Variants in NREP observed in about 807,000 individuals in gnomAD.
The protein encoded by NREP is neuronal regeneration-related protein.
Under a neutral mutation model 8.6 loss-of-function variants are expected in NREP, and 5 were observed. That is an observed-to-expected ratio of 0.58 (90% CI 0.30 to 1.22). NREP has a LOEUF of 1.22. Ranked by LOEUF, NREP falls within the 50% of genes most tolerant of loss-of-function variation. The probability of loss-of-function intolerance (pLI) is 0.07; values close to 1 mark genes in which losing one functional copy is unlikely to be tolerated. For missense variants in NREP, 86 were observed against 82.5 expected (o/e 1.04, Z -0.17); for synonymous variants, 27 against 28.0 (o/e 0.96, Z 0.11).
intron 2 of NREP, among the ~76,000 whole-genome samples, chr5:111,886,381 A>C (rs77491808): frequency 2.0e-5 from 3 of 151,932 alleles, no homozygotes. Flanking sequence ...GTGGGACTGT[A>C]AACTAGTTCA....
chr5:111,895,918 A>T (rs1235487268), intron 2 of NREP, among the ~76,000 whole-genome samples: 3 of 152,186 alleles, frequency 2.0e-5, no homozygotes. Context: ...GCCAATTGGA[A>T]TGTATGCTGT....
At chr5:111,826,869 T>G (rs1359131547) in intron 2 of NREP, among the ~76,000 whole-genome samples, 1 of 152,052 alleles carries the variant, frequency 6.6e-6, no homozygotes, top group Non-Finnish European at 1.5e-5. Context: ...CCCATTTTAG[T>G]GGAAGAAGGT....
intron 2 of NREP, among the ~76,000 whole-genome samples, chr5:111,762,829 G>A (rs1172318774): frequency 6.6e-6 from 1 of 152,182 alleles, no homozygotes; most frequent in African/African-American, 2.4e-5. Context: ...CAGCAAACAT[G>A]TGGAAGAGTA....
At chr5:111,943,260 A>G (rs1755882678) in intron 2 of NREP, among the ~76,000 whole-genome samples, 1 of 152,026 alleles carries the variant, frequency 6.6e-6, no homozygotes, top group African/African-American at 2.4e-5. Context: ...TATGCTGCCT[A>G]TTGTGAAACA....
At chr5:111,883,680 C>A (rs190207938) in intron 2 of NREP, among the ~76,000 whole-genome samples, 2 of 152,092 alleles carry the variant, frequency 1.3e-5, no homozygotes, top group East Asian at 1.9e-4. Context: ...CACTCAAAAC[C>A]GCTCAACTAC....
intron 2 of NREP, among the ~76,000 whole-genome samples, chr5:111,816,626 C>A (rs1234913188): frequency 6.6e-6 from 1 of 150,412 alleles, no homozygotes; most frequent in Non-Finnish European, 1.5e-5. Flanking sequence ...TACATAATAC[C>A]TAATACTAAG....
intron 2 of NREP, among the ~76,000 whole-genome samples, chr5:111,829,106 A>T (rs1752699856): frequency 6.6e-6 from 1 of 152,160 alleles, no homozygotes; most frequent in Non-Finnish European, 1.5e-5. Flanking sequence ...TGGAAAAAAA[A>T]AAACAAAAAC....
chr5:111,851,328 G>A (rs1186965764), intron 2 of NREP, among the ~76,000 whole-genome samples: 2 of 152,166 alleles, frequency 1.3e-5, no homozygotes, highest in African/African-American at 2.4e-5. Context: ...GCTCCATGAA[G>A]CCTCCTGCAG....
intron 2 of NREP, among the ~76,000 whole-genome samples, chr5:111,802,550 G>C (rs1752038043): frequency 6.6e-6 from 1 of 152,164 alleles, no homozygotes; most frequent in Non-Finnish European, 1.5e-5. Context: ...ATAAGGCCTA[G>C]ATCAGCATTG....
chr5:111,813,104 T>A (rs1752305917), intron 2 of NREP, among the ~76,000 whole-genome samples: 1 of 152,148 alleles, frequency 6.6e-6, no homozygotes, highest in African/African-American at 2.4e-5. Context: ...GCTTTGAGCA[T>A]CAGTATATAA....
chr5:111,782,210 C>T (rs932807292), intron 2 of NREP, among the ~76,000 whole-genome samples: 2 of 152,170 alleles, frequency 1.3e-5, no homozygotes, highest in African/African-American at 4.8e-5. Context: ...ATTCCACGTT[C>T]TCATTTCCCT....
chr5:111,953,287 T>C (rs888269318), intron 2 of NREP, among the ~76,000 whole-genome samples: 2 of 152,160 alleles, frequency 1.3e-5, no homozygotes, highest in Non-Finnish European at 2.9e-5. Flanking sequence ...GCTGGTGCTG[T>C]GTGGCCATTG....
chr5:111,910,801 C>T (rs527315473), intron 2 of NREP, among the ~76,000 whole-genome samples: 30 of 152,092 alleles, frequency 2.0e-4, no homozygotes, highest in African/African-American at 6.5e-4. Flanking sequence ...CAGCCAGAAG[C>T]GAGAGTTTGC....
chr5:111,929,026 T>C (rs566274970), intron 2 of NREP, among the ~76,000 whole-genome samples: 1 of 152,262 alleles, frequency 6.6e-6, no homozygotes, highest in East Asian at 1.9e-4. Flanking sequence ...GTTTTATATC[T>C]AGTGTTTTAG....
At position 111,877,853 on chromosome 5, in the gene NREP, C is replaced by G. The variant is rs147456574; in HGVS notation, c.135+97421G>C. Among the ~76,000 whole-genome samples the G allele has an allele frequency of 5.1e-3, 776 of 152,304 alleles. 2 individuals carry two copies. The highest frequency in any genetic ancestry group is 9.0e-3 in the Non-Finnish European group (611 of 68,014). ...GACCAAGTTGAGTTGGGTGTTCCCC[C>G]CTCACCAACTAGTGTTACCAGGTAC... On this transcript the variant is annotated intron_variant, in intron 2 of 3. Coordinates refer to the NREP transcript ENST00000395634.
chr5:111,976,831 C>T (rs1756980420), exon 1 of NREP: 3 of 929,998 alleles, frequency 3.2e-6, no homozygotes, highest in African/African-American at 1.7e-5. Flanking sequence ...CAGGACACAG[C>T]TCTGCAGCCC....
intron 2 of NREP, among the ~76,000 whole-genome samples, chr5:111,806,458 C>G (rs945662684): frequency 1.3e-5 from 2 of 152,138 alleles, no homozygotes; most frequent in African/African-American, 4.8e-5. Flanking sequence ...TGTTCATATT[C>G]TGTCACAGTA....
chr5:111,970,921 C>T (rs140244999), intron 2 of NREP, among the ~76,000 whole-genome samples: 35 of 150,820 alleles, frequency 2.3e-4, no homozygotes, highest in African/African-American at 7.3e-4. Context: ...CTTTCTCTTG[C>T]GACAGCAGTT....
chr5:111,871,876 GA>G (rs200661678), intron 2 of NREP, among the ~76,000 whole-genome samples: 2,814 of 142,760 alleles, frequency 0.02, 46 homozygotes, highest in Non-Finnish European at 0.027. Flanking sequence ...ATATATATAT[GA>G]AAATCTCGTT....
Sources: gnomAD v4.1 joint callset for allele counts (sites outside exome capture counted in the v4.1 genomes callset) on GRCh38, gnomAD v4.1.1 for gene constraint, MANE v1.5 for transcripts, NCBI Gene and HGNC (gene_info 2026-07-23, HGNC 2026-07-21) for gene names.